Variants in ALK observed in about 807,000 individuals in gnomAD.
The protein encoded by ALK is ALK receptor tyrosine kinase, also known as ALK tyrosine kinase receptor.
ALK carries 74 observed loss-of-function variants against 163.1 expected under a neutral mutation model. That is an observed-to-expected ratio of 0.45 (90% CI 0.38 to 0.55). The LOEUF is 0.55. Ranked by LOEUF, ALK falls within the 20% of genes least tolerant of loss-of-function variation. The pLI, the probability that ALK is intolerant of heterozygous loss-of-function variation, is 0.00. For synonymous variants in ALK, 960 were observed against 843.2 expected (o/e 1.14, Z -2.40); for missense variants, 2,063 against 2,105.3 (o/e 0.98, Z 0.39).
chr2:29,303,598 C>T (rs1666427648), intron 8 of ALK, among the ~76,000 whole-genome samples: 2 of 152,180 alleles, frequency 1.3e-5, no homozygotes, highest in Admixed American at 6.5e-5. Context: ...TTTACCGCAG[C>T]ACGATTCACA....
intron 3 of ALK, among the ~76,000 whole-genome samples, chr2:29,600,820 G>A (rs1394359904): frequency 6.6e-6 from 1 of 152,180 alleles, no homozygotes; most frequent in African/African-American, 2.4e-5. Context: ...GGGTGGAGGA[G>A]TAGGAAGGAA....
chr2:29,652,090 T>C (rs962725643), intron 3 of ALK, among the ~76,000 whole-genome samples: 2 of 152,184 alleles, frequency 1.3e-5, no homozygotes, highest in Non-Finnish European at 2.9e-5. Context: ...TTAAGAGAGC[T>C]TCTACTGTCC....
chr2:29,221,549 A>G (rs568264410), intron 22 of ALK, among the ~76,000 whole-genome samples: 4 of 152,346 alleles, frequency 2.6e-5, no homozygotes, highest in Admixed American at 6.5e-5. Flanking sequence ...GTCTTCTTCA[A>G]TATAATCTCA....
At chr2:29,830,964 G>GAA (rs1253284367) in intron 1 of ALK, among the ~76,000 whole-genome samples, 29 of 15,440 alleles carry the variant, frequency 1.9e-3, no homozygotes, top group African/African-American at 4.8e-3. Flanking sequence ...AAAAGAAGAA[G>GAA]AAGAAGAAGA....
At chr2:29,391,305 T>TTG (rs1553310350) in intron 4 of ALK, among the ~76,000 whole-genome samples, 4,712 of 126,440 alleles carry the variant, frequency 0.037, 103 homozygotes, top group African/African-American at 0.044. Flanking sequence ...CTCTTTTTTT[T>TTG]GGGGGGGGGG....
intron 4 of ALK, among the ~76,000 whole-genome samples, chr2:29,445,822 G>A (rs901692732): frequency 2.8e-4 from 42 of 151,688 alleles, no homozygotes; most frequent in Admixed American, 5.3e-4. Context: ...AGCGCTGGCC[G>A]GGCGCGGTGG....
At chr2:29,705,834 T>A (rs1678893938) in intron 2 of ALK, among the ~76,000 whole-genome samples, 1 of 152,208 alleles carries the variant, frequency 6.6e-6, no homozygotes. Flanking sequence ...ATGCGCGTCA[T>A]TGCTGTTACT....
chr2:29,282,576 C>T (rs1324347181), intron 9 of ALK, among the ~76,000 whole-genome samples: 1 of 151,990 alleles, frequency 6.6e-6, no homozygotes, highest in Non-Finnish European at 1.5e-5. Context: ...CTCCATCCCA[C>T]TCTTAGAAGT....
intron 3 of ALK, among the ~76,000 whole-genome samples, chr2:29,659,804 T>A (rs1279049240): frequency 1.3e-5 from 2 of 152,088 alleles, no homozygotes; most frequent in African/African-American, 4.8e-5. Flanking sequence ...GAAAAGAGAT[T>A]TATTACCATC....
intron 4 of ALK, among the ~76,000 whole-genome samples, chr2:29,509,855 G>A (rs1223768116): frequency 6.6e-6 from 1 of 152,208 alleles, no homozygotes; most frequent in Non-Finnish European, 1.5e-5. Context: ...GAGCTAGAGA[G>A]GGGGCTTTAT....
chr2:29,228,154 C>A (rs1007153680), intron 16 of ALK, among the ~76,000 whole-genome samples: 2 of 152,226 alleles, frequency 1.3e-5, no homozygotes, highest in African/African-American at 4.8e-5. Flanking sequence ...TATCTTTGGG[C>A]TCCCCCCTCG....
chr2:29,216,923 G>GGTT (rs1553393076), intron 23 of ALK, among the ~76,000 whole-genome samples: 6 of 126,688 alleles, frequency 4.7e-5, no homozygotes, highest in Non-Finnish European at 8.8e-5. Context: ...ATGTCTTTAT[G>GGTT]GTGTGTGGGG....
intron 1 of ALK, among the ~76,000 whole-genome samples, chr2:29,883,657 A>G (rs935911425): frequency 3.2e-4 from 49 of 152,348 alleles, no homozygotes; most frequent in African/African-American, 1.2e-3. Context: ...GGTAAAAACT[A>G]GGCTCAGACC....
At chr2:29,674,342 A>G (rs1199971178) in intron 3 of ALK, among the ~76,000 whole-genome samples, 1 of 151,780 alleles carries the variant, frequency 6.6e-6, no homozygotes, top group Non-Finnish European at 1.5e-5. Flanking sequence ...ATTTTGAAAT[A>G]CGTCCCATCA....
chr2:29,750,644 G>T (rs1044505202), intron 1 of ALK, among the ~76,000 whole-genome samples: 1 of 71,906 alleles, frequency 1.4e-5, no homozygotes, highest in Non-Finnish European at 2.9e-5. Flanking sequence ...AGGAAGGAAG[G>T]AAGGAAGGAA....
chr2:29,742,201 G>A (rs1680081162), intron 1 of ALK, among the ~76,000 whole-genome samples: 1 of 152,268 alleles, frequency 6.6e-6, no homozygotes, highest in Non-Finnish European at 1.5e-5. Flanking sequence ...GGAAAATGCA[G>A]GGACAGGTCC....
chr2:29,823,399 G>A (rs758452529), intron 1 of ALK, among the ~76,000 whole-genome samples: 2 of 152,172 alleles, frequency 1.3e-5, no homozygotes, highest in Non-Finnish European at 2.9e-5. Context: ...TTGGAACTGG[G>A]TAACAGGCAG....
At chr2:29,668,133 T>C (rs985825982) in intron 3 of ALK, among the ~76,000 whole-genome samples, 1 of 152,082 alleles carries the variant, frequency 6.6e-6, no homozygotes, top group African/African-American at 2.4e-5. Flanking sequence ...AGTTGTTATG[T>C]CCCCCTCTTC....
At chr2:29,304,902 T>C (rs968823705) in intron 8 of ALK, among the ~76,000 whole-genome samples, 56 of 152,248 alleles carry the variant, frequency 3.7e-4, no homozygotes, top group African/African-American at 1.3e-3. Context: ...GTGAAACCAG[T>C]GGTTTTCAAC....
Sources: allele counts gnomAD v4.1 joint callset (sites outside exome capture counted in the v4.1 genomes callset), GRCh38; gene constraint gnomAD v4.1.1; transcripts MANE v1.5; gene names NCBI Gene and HGNC (gene_info 2026-07-23, HGNC 2026-07-21).